The following SPAG16 variants were observed in gnomAD, a reference collection of about 807,000 sequenced individuals.
The protein encoded by SPAG16 is sperm associated antigen 16, also known as sperm-associated antigen 16 protein.
Under a neutral mutation model 80.4 loss-of-function variants are expected in SPAG16, and 86 were observed. The ratio of observed to expected loss-of-function variants is 1.07; its 90% CI spans 0.90 to 1.28. The LOEUF is 1.28. Ranked by LOEUF, SPAG16 falls within the 50% of genes most tolerant of loss-of-function variation. The pLI, the probability that SPAG16 is intolerant of heterozygous loss-of-function variation, is 0.00. For synonymous variants in SPAG16, 294 were observed against 265.9 expected (o/e 1.11, Z -1.03); for missense variants, 870 against 765.3 (o/e 1.14, Z -1.61).
rs140564655 is a variant in SPAG16 at position 213,515,907 on chromosome 2, G to A, written c.1070+25817G>A. Among the ~76,000 whole-genome samples, 846 of 152,276 alleles carry A rather than the reference G, an allele frequency of 5.6e-3. 9 individuals are homozygous for A. The highest frequency in any genetic ancestry group is 0.019 in the African/African-American group (793 of 41,556). On this transcript the variant is annotated intron_variant, in intron 10 of 15. Transcript: ENST00000331683. ...CATCACAGAGTTTCAGCCCTCCGGT[G>A]TGAAGTAGGAATTGCTCAATGATTC...
At chr2:214,369,612 G>GC (rs1389152814) in intron 15 of SPAG16, among the ~76,000 whole-genome samples, 2 of 151,626 alleles carry the variant, frequency 1.3e-5, no homozygotes, top group Admixed American at 1.3e-4. Flanking sequence ...TTAGACATAT[G>GC]CCCCCACACC....
chr2:214,015,706 A>T (rs1299572478), intron 13 of SPAG16, among the ~76,000 whole-genome samples: 3 of 152,068 alleles, frequency 2.0e-5, no homozygotes, highest in Non-Finnish European at 2.9e-5. Context: ...GGCTTGTCTG[A>T]ACACCATCCT....
intron 10 of SPAG16, among the ~76,000 whole-genome samples, chr2:213,551,469 G>A (rs2076777761): frequency 6.6e-6 from 1 of 152,108 alleles, no homozygotes; most frequent in Non-Finnish European, 1.5e-5. Context: ...TTTACTATCA[G>A]TATTATTTTT....
chr2:213,911,421 A>C (rs779916577), intron 11 of SPAG16, among the ~76,000 whole-genome samples: 1 of 152,216 alleles, frequency 6.6e-6, no homozygotes, highest in Non-Finnish European at 1.5e-5. Context: ...CTGGGATTAC[A>C]GGCATGTGCC....
At chr2:213,516,838 C>T (rs765354543) in intron 10 of SPAG16, among the ~76,000 whole-genome samples, 1 of 151,958 alleles carries the variant, frequency 6.6e-6, no homozygotes, top group Non-Finnish European at 1.5e-5. Flanking sequence ...TGTTGTTTTT[C>T]ATTAAATGGA....
Position 214,331,736 on chromosome 2 carries a change from A to C in SPAG16, c.1721-78404A>C, listed in dbSNP as rs368435983. Reference sequence around the variant, plus strand: ...TTCTCAGGTAGACAGCCTTGGCATCATCTTGAGCACATTTCTACATCTGCT... The same window carrying C: ...TTCTCAGGTAGACAGCCTTGGCATCCTCTTGAGCACATTTCTACATCTGCT... On this transcript the variant is annotated intron_variant, in intron 15 of 15. Transcript: ENST00000331683. Among the ~76,000 whole-genome samples, 46 of 152,322 alleles carry C rather than the reference A, an allele frequency of 3.0e-4. No homozygotes were observed. In the East Asian group the frequency reaches 5.6e-3, roughly 19 times the overall value.
chr2:213,860,547 A>G (rs763605763), intron 10 of SPAG16, among the ~76,000 whole-genome samples: 134 of 150,378 alleles, frequency 8.9e-4, no homozygotes, highest in Non-Finnish European at 1.6e-3. Context: ...GAATATATGG[A>G]CAAATCAGAG....
At chr2:213,532,462 A>AT (rs374457236) in intron 10 of SPAG16, among the ~76,000 whole-genome samples, 8,568 of 139,966 alleles carry the variant, frequency 0.061, 476 homozygotes, top group African/African-American at 0.14. Context: ...GTTTAATTGA[A>AT]TTTTTTTTTT....
intron 9 of SPAG16, among the ~76,000 whole-genome samples, chr2:213,410,157 G>A (rs2068881563): frequency 6.6e-6 from 1 of 151,930 alleles, no homozygotes; most frequent in African/African-American, 2.4e-5. Context: ...ATAGTCCCAG[G>A]GGAAAACCCT....
intron 13 of SPAG16, among the ~76,000 whole-genome samples, chr2:214,020,426 TA>T (rs2047804486): frequency 1.3e-5 from 2 of 152,192 alleles, no homozygotes; most frequent in Non-Finnish European, 2.9e-5. Context: ...ATGTTTCTTT[TA>T]TAGCCTCTAA....
intron 5 of SPAG16, among the ~76,000 whole-genome samples, chr2:213,329,304 T>C (rs2063983237): frequency 6.6e-6 from 1 of 152,162 alleles, no homozygotes; most frequent in Non-Finnish European, 1.5e-5. Context: ...AGTTTGGACC[T>C]CCCTAGAGAC....
chr2:213,572,795 ACCTAAGCAAG>A (rs1291796863), intron 10 of SPAG16, among the ~76,000 whole-genome samples: 1 of 152,012 alleles, frequency 6.6e-6, no homozygotes, highest in East Asian at 1.9e-4. Flanking sequence ...TGCTTTGTTT[ACCTAAGCAAG>A]CCTGGGCAAT....
At chr2:214,023,920 C>T (rs2048011218) in intron 13 of SPAG16, among the ~76,000 whole-genome samples, 1 of 151,456 alleles carries the variant, frequency 6.6e-6, no homozygotes, top group Non-Finnish European at 1.5e-5. Flanking sequence ...ATTATAATGA[C>T]TATGTCCATT....
chr2:213,300,316 G>A (rs1034153472), intron 3 of SPAG16, among the ~76,000 whole-genome samples: 2 of 151,854 alleles, frequency 1.3e-5, no homozygotes, highest in Admixed American at 1.3e-4. Context: ...AGAATTTATG[G>A]AATTTCTTTG....
intron 13 of SPAG16, among the ~76,000 whole-genome samples, chr2:214,050,196 A>C (rs2125129362): frequency 6.6e-6 from 1 of 152,220 alleles, no homozygotes; most frequent in East Asian, 1.9e-4. Context: ...TCAATCATGA[A>C]GATCAAGAAG....
chr2:214,137,553 G>C (rs1203187668), intron 14 of SPAG16, among the ~76,000 whole-genome samples: 6 of 152,034 alleles, frequency 3.9e-5, no homozygotes, highest in Non-Finnish European at 8.8e-5. Context: ...AATGTATCCT[G>C]ATGGGGAAAT....
intron 12 of SPAG16, among the ~76,000 whole-genome samples, chr2:213,995,773 A>G (rs769495090): frequency 2.0e-5 from 3 of 152,214 alleles, no homozygotes; most frequent in Non-Finnish European, 2.9e-5. Flanking sequence ...TACATGGACC[A>G]TCTTTGGATG....
rs71063798 is a variant in SPAG16 at position 213,928,904 on chromosome 2, T to TACACACAC, written c.1215-1024_1215-1017dup. 1.5e-3 allele frequency among the ~76,000 whole-genome samples: 210 copies of TACACACAC among 143,074 alleles called. 1 individual carries two copies. Among genetic ancestry groups the TACACACAC allele is most frequent in the African/African-American group, 4.1e-3 (153 of 37,720 alleles). The allele number at this position is 143,074 out of a possible 152,430, so 93.9% of individuals were successfully genotyped here. A position where few individuals can be genotyped will look rare whatever the true frequency, so the allele number is the denominator to read the frequency against. ...AGTAAAATTTTCTTGCAGCTGATGT[T>TACACACAC]ACACACACACACACACACACACACA... On this transcript the variant is annotated intron_variant, in intron 11 of 15. Coordinates refer to ENST00000331683, the MANE Select transcript of SPAG16 (RefSeq NM_024532.5).
At chr2:213,528,921 C>G (rs1363118692) in intron 10 of SPAG16, among the ~76,000 whole-genome samples, 1 of 152,144 alleles carries the variant, frequency 6.6e-6, no homozygotes, top group Non-Finnish European at 1.5e-5. Context: ...GAAGTATTAA[C>G]TAATCTGAAA....
Sources: allele counts gnomAD v4.1 joint callset (sites outside exome capture counted in the v4.1 genomes callset), GRCh38; gene constraint gnomAD v4.1.1; transcripts MANE v1.5; gene names NCBI Gene and HGNC (gene_info 2026-07-23, HGNC 2026-07-21).